The following MTA3 variants were observed in gnomAD, a reference collection of about 807,000 sequenced individuals.
MTA3 encodes metastasis-associated protein MTA3.
In MTA3, 34 loss-of-function variants were observed where a neutral mutation model predicts 83.5. The observed-to-expected ratio is 0.41, with a 90% CI of 0.31 to 0.54. The LOEUF is 0.54. Ranked by LOEUF, MTA3 falls within the 20% of genes least tolerant of loss-of-function variation. MTA3 has a pLI of 0.33. For synonymous variants in MTA3, 303 were observed against 252.7 expected (o/e 1.20, Z -1.89); for missense variants, 761 against 726.4 (o/e 1.05, Z -0.55).
intron 6 of MTA3, among the ~76,000 whole-genome samples, chr2:42,645,140 C>T (rs183876123): frequency 8.9e-5 from 13 of 145,846 alleles, no homozygotes; most frequent in Non-Finnish European, 1.8e-4. Context: ...TGCTACTCCA[C>T]ACTCCAGCCT....
intron 15 of MTA3, among the ~76,000 whole-genome samples, chr2:42,720,809 G>A (rs1001356899): frequency 1.3e-5 from 2 of 151,990 alleles, no homozygotes; most frequent in Middle Eastern, 3.4e-3. Flanking sequence ...TTAGGCAGGT[G>A]TGGTGGTGCG....
At chr2:42,731,791 A>C (rs954040379) in intron 16 of MTA3, among the ~76,000 whole-genome samples, 5 of 152,218 alleles carry the variant, frequency 3.3e-5, no homozygotes, top group African/African-American at 1.2e-4. Flanking sequence ...TCCACAGTCC[A>C]GTCTCATTTG....
rs1683928206 is a variant in MTA3 at position 42,609,581 on chromosome 2, T to C, written c.314T>C (p.Ile105Thr). 1.2e-6 allele frequency: 2 copies of C among 1,613,250 alleles called. No individual in the cohort carries two copies. The highest frequency in any genetic ancestry group is 1.7e-6 in the Non-Finnish European group (2 of 1,179,594). Reference sequence around the variant, plus strand: ...TATGAATCTCTGCCCGCAACACATATCAGGTAAGAACTTTTTAGGAACTAA... The same window carrying C: ...TATGAATCTCTGCCCGCAACACATACCAGGTAAGAACTTTTTAGGAACTAA... ...RQYESLPATH[I>T]RGKCSVALLN... The change falls in exon 4 of 17, where the codon ATC becomes ACC. Residue 105 changes from isoleucine (I) to threonine (T), a missense_variant. Coordinates refer to ENST00000405094, the MANE Select transcript of MTA3 (RefSeq NM_001330442.2).
chr2:42,652,041 G>A (rs1257607019), intron 6 of MTA3, among the ~76,000 whole-genome samples: 1 of 152,020 alleles, frequency 6.6e-6, no homozygotes, highest in Non-Finnish European at 1.5e-5. Context: ...AAGTTGCAGT[G>A]AGCCAAGATC....
intron 4 of MTA3, among the ~76,000 whole-genome samples, chr2:42,619,357 T>C (rs1018530899): frequency 3.9e-5 from 6 of 152,218 alleles, no homozygotes; most frequent in Non-Finnish European, 8.8e-5. Context: ...TCTAGATGCT[T>C]TACTGTTCCA....
intron 16 of MTA3, among the ~76,000 whole-genome samples, chr2:42,735,858 G>T (rs1668571169): frequency 6.6e-6 from 1 of 152,030 alleles, no homozygotes; most frequent in African/African-American, 2.4e-5. Flanking sequence ...ATTGAATTCT[G>T]TTGTGCTTCC....
chr2:42,659,926 A>T, intron 8 of MTA3, 64 bp downstream of exon 8: 1 of 1,310,212 alleles, frequency 7.6e-7, no homozygotes. Context: ...TTTTAAAGCC[A>T]TTGTGGCAAT....
intron 3 of MTA3, among the ~76,000 whole-genome samples, chr2:42,602,294 A>G (rs980816169): frequency 2.0e-5 from 3 of 152,164 alleles, no homozygotes. Context: ...TTGTTCTCCT[A>G]TTACTGAACA....
At chr2:42,664,612 G>C (rs1690057222) in intron 8 of MTA3, among the ~76,000 whole-genome samples, 2 of 151,330 alleles carry the variant, frequency 1.3e-5, no homozygotes, top group South Asian at 4.2e-4. Context: ...TCAGCCAGTA[G>C]CTGAGATTAC....
At position 42,756,801 on chromosome 2, in the gene MTA3, A is replaced by G; in HGVS notation, c.*3402A>G. 1 of 985,382 alleles carries G rather than the reference A, an allele frequency of 1.0e-6. No homozygotes were observed. Among genetic ancestry groups the G allele is most frequent in the Non-Finnish European group, 1.2e-6 (1 of 829,956 alleles). 61.0% of individuals were successfully genotyped at this position (985,382 alleles called of 1,614,324 possible). A position where few individuals can be genotyped will look rare whatever the true frequency, so the allele number is the denominator to read the frequency against. On this transcript the variant is annotated 3_prime_UTR_variant, in exon 17 of 17. Transcript: ENST00000405094. ...CTGATTTTCCCTGCCAGGGAAGCTA[A>G]CCCAGAGCACGCACCTGTGCTCATG...
intron 9 of MTA3, among the ~76,000 whole-genome samples, chr2:42,694,117 G>C (rs1693159222): frequency 6.6e-6 from 1 of 152,220 alleles, no homozygotes; most frequent in African/African-American, 2.4e-5. Context: ...CTGTGGCTGA[G>C]CAGGTATCCA....
intron 2 of MTA3, among the ~76,000 whole-genome samples, chr2:42,560,716 C>A (rs937827767): frequency 6.6e-6 from 1 of 151,660 alleles, no homozygotes; most frequent in Non-Finnish European, 1.5e-5. Flanking sequence ...ACCAGCCTGG[C>A]CAACATAGTA....
chr2:42,708,566 T>G (rs6544589), intron 13 of MTA3, among the ~76,000 whole-genome samples: 1 of 151,872 alleles, frequency 6.6e-6, no homozygotes, highest in African/African-American at 2.4e-5. Flanking sequence ...CTGACGGGCT[T>G]TCAGGACTCC....
intron 16 of MTA3, among the ~76,000 whole-genome samples, chr2:42,728,828 G>C (rs976093670): frequency 8.5e-5 from 13 of 152,076 alleles, no homozygotes; most frequent in African/African-American, 2.9e-4. Flanking sequence ...CTATTGAGTT[G>C]TTTGAGCTCC....
At chr2:42,654,321 A>G (rs1480747888) in intron 6 of MTA3, among the ~76,000 whole-genome samples, 1 of 152,136 alleles carries the variant, frequency 6.6e-6, no homozygotes, top group Non-Finnish European at 1.5e-5. Flanking sequence ...GGCGGCCCAT[A>G]GCCTGGGTTT....
upstream of MTA3, chr2:42,568,071 T>C (rs2103815379): frequency 6.6e-6 from 1 of 152,354 alleles, no homozygotes; most frequent in Admixed American, 6.5e-5. Context: ...ACCCGGAATC[T>C]TCCTGGCCCT....
intron 16 of MTA3, among the ~76,000 whole-genome samples, chr2:42,739,656 G>A (rs187251343): frequency 1.8e-3 from 273 of 152,256 alleles, no homozygotes; most frequent in Non-Finnish European, 2.9e-3. Context: ...TTTCTTTGTG[G>A]CGTGTGATGC....
At chr2:42,619,421 C>T (rs1033114111) in intron 4 of MTA3, among the ~76,000 whole-genome samples, 4 of 152,060 alleles carry the variant, frequency 2.6e-5, no homozygotes, top group Admixed American at 6.6e-5. Flanking sequence ...GAGGCCAGGT[C>T]AGTTAGGAAA....
intron 2 of MTA3, among the ~76,000 whole-genome samples, chr2:42,556,485 A>G (rs928304844): frequency 2.0e-5 from 3 of 152,066 alleles, no homozygotes; most frequent in Non-Finnish European, 4.4e-5. Context: ...TGCCTTTTCC[A>G]TTTCCCCCAG....
Sources: gnomAD v4.1 joint callset for allele counts (sites outside exome capture counted in the v4.1 genomes callset) on GRCh38, gnomAD v4.1.1 for gene constraint, MANE v1.5 for transcripts, NCBI Gene and HGNC (gene_info 2026-07-23, HGNC 2026-07-21) for gene names.